CDKL5: variants seen among roughly 807,000 people sequenced by gnomAD.
CDKL5 encodes cyclin-dependent kinase-like 5.
Under a neutral mutation model 61.7 loss-of-function variants are expected in CDKL5, and 8 were observed. The ratio of observed to expected loss-of-function variants is 0.13; its 90% CI spans 0.08 to 0.23. The LOEUF (loss-of-function observed/expected upper bound fraction) is 0.23. Among genes scored for constraint, CDKL5 ranks in the 10% least tolerant of loss-of-function variants. The probability of loss-of-function intolerance (pLI) is 1.00; values close to 1 mark genes in which losing one functional copy is unlikely to be tolerated. For synonymous variants in CDKL5, 275 were observed against 272.3 expected, an observed-to-expected ratio of 1.01 and a Z score of -0.10; for missense variants, 440 against 734.5, an observed-to-expected ratio of 0.60 and a Z score of 4.63.
At chrX:18,535,046 G>T (rs142909002) in intron 3 of CDKL5, 140 of 112,097 alleles carry the variant, frequency 1.2e-3, no homozygotes, top group African/African-American at 4.3e-3. Context: ...TTTTTTAAGT[G>T]AACTAACAGC....
intron 3 of CDKL5, among the ~76,000 whole-genome samples, chrX:18,559,888 G>GT (rs1300490481): frequency 9.6e-6 from 1 of 104,520 alleles, no homozygotes; most frequent in Non-Finnish European, 1.9e-5. Context: ...GCGGTGTTTG[G>GT]TTTTTTGTTC....
Position 18,631,524 on chromosome X carries a change from T to G in CDKL5, c.*2767T>G. The G allele has an allele frequency of 1.3e-6, 1 of 754,548 alleles. No homozygotes were observed. The highest frequency in any genetic ancestry group is 1.6e-6 in the Non-Finnish European group (1 of 639,360). 62.2% of individuals were successfully genotyped at this position (754,548 alleles called of 1,213,427 possible). On this transcript the variant is annotated 3_prime_UTR_variant, in exon 18 of 18. Coordinates refer to ENST00000623535, the MANE Select transcript of CDKL5 (RefSeq NM_001323289.2). ...GAAAAATTACTGACATCACAAAGAT[T>G]GCCATCCATGGTAGAAAGGACTTGA...
intron 1 of CDKL5, among the ~76,000 whole-genome samples, chrX:18,432,011 C>T (rs768172149): frequency 2.7e-5 from 3 of 109,781 alleles, no homozygotes; most frequent in Non-Finnish European, 3.8e-5. Flanking sequence ...CAGGCTCGAG[C>T]GATCCTCCCA....
intron 1 of CDKL5, among the ~76,000 whole-genome samples, chrX:18,434,296 G>C (rs1324162543): frequency 1.8e-5 from 2 of 111,660 alleles, no homozygotes; most frequent in African/African-American, 6.5e-5. Context: ...AATTTTCTTT[G>C]CTTTTAGATG....
chrX:18,593,558 TC>T (rs1474074678), intron 9 of CDKL5, among the ~76,000 whole-genome samples: 1 of 111,498 alleles, frequency 9.0e-6, no homozygotes. Context: ...CCTCTGTACT[TC>T]CCTTAGGAGA....
rs776661064 is a variant in CDKL5, at chrX:18,474,218, T to G, written c.-162-32717T>G. On this transcript the variant is annotated intron_variant, in intron 1 of 17. Coordinates refer to ENST00000623535, the MANE Select transcript of CDKL5 (RefSeq NM_001323289.2). ...ATTTCTGCAAATTAAAGTGTTCGTTTTTGTTACCTTGATAGCATTAGTCTA... is the reference window on the plus strand; with the variant it reads ...ATTTCTGCAAATTAAAGTGTTCGTTGTTGTTACCTTGATAGCATTAGTCTA... Among the ~76,000 whole-genome samples, 4 of 111,536 alleles carry G rather than the reference T, an allele frequency of 3.6e-5. No homozygotes were observed. In the East Asian group the frequency reaches 1.1e-3, roughly 32 times the overall value.
chrX:18,479,453 G>A (rs1196939795), intron 1 of CDKL5, among the ~76,000 whole-genome samples: 7 of 106,027 alleles, frequency 6.6e-5, no homozygotes, highest in Non-Finnish European at 1.4e-4. Context: ...CCTAGTAGTT[G>A]GGACTACAGG....
intron 16 of CDKL5, among the ~76,000 whole-genome samples, 198 bp downstream of exon 16, chrX:18,620,164 C>T (rs772538650): frequency 5.4e-5 from 6 of 112,092 alleles, no homozygotes; most frequent in African/African-American, 1.6e-4. Flanking sequence ...ACAGAATCTC[C>T]AGGAATAGAA....
chrX:18,589,205 A>G (rs1478803233), intron 9 of CDKL5: 1 of 109,955 alleles, frequency 9.1e-6, no homozygotes, highest in Non-Finnish European at 1.9e-5. Flanking sequence ...AGTTTGTTAC[A>G]TATGTATACA....
chrX:18,436,674 C>A (rs1602188442), intron 1 of CDKL5, among the ~76,000 whole-genome samples: 2 of 109,658 alleles, frequency 1.8e-5, no homozygotes, highest in Non-Finnish European at 3.8e-5. Context: ...CTGAGGCAGG[C>A]AGATCACTTG....
chrX:18,563,032 G>A (rs746164004), intron 3 of CDKL5, among the ~76,000 whole-genome samples: 14 of 111,947 alleles, frequency 1.3e-4, no homozygotes, highest in Non-Finnish European at 2.3e-4. Flanking sequence ...AAGTTTTAAC[G>A]CTTAGGATGC....
chrX:18,646,164 C>A (rs1334013349), intron 20 of CDKL5: 1 of 1,190,200 alleles, frequency 8.4e-7, no homozygotes, highest in East Asian at 3.0e-5. Context: ...TTTTTTTTTC[C>A]TTTCTGAGAC....
At chrX:18,538,786 G>A (rs1453962669) in intron 3 of CDKL5, among the ~76,000 whole-genome samples, 1 of 112,140 alleles carries the variant, frequency 8.9e-6, no homozygotes, top group Non-Finnish European at 1.9e-5. Flanking sequence ...GTTTCTAGAT[G>A]AGACTGTATA....
intron 14 of CDKL5, 103 bp downstream of exon 14, chrX:18,609,673 C>T: frequency 8.8e-7 from 1 of 1,136,011 alleles, no homozygotes; most frequent in East Asian, 3.2e-5. Context: ...CTCACCTACA[C>T]TGTCGCCTTC....
At chrX:18,557,540 GTATTT>G (rs1285606853) in intron 3 of CDKL5, among the ~76,000 whole-genome samples, 1 of 111,553 alleles carries the variant, frequency 9.0e-6, no homozygotes, top group Non-Finnish European at 1.9e-5. Flanking sequence ...GAATAAAAGA[GTATTT>G]TATTCTGTTC....
At chrX:18,479,833 A>T (rs965911354) in intron 1 of CDKL5, among the ~76,000 whole-genome samples, 9 of 111,404 alleles carry the variant, frequency 8.1e-5, no homozygotes, top group African/African-American at 2.6e-4. Flanking sequence ...AATCTCTATC[A>T]ATCAGTCTTC....
intron 3 of CDKL5, among the ~76,000 whole-genome samples, chrX:18,540,280 G>A (rs746797206): frequency 9.1e-4 from 101 of 110,786 alleles, no homozygotes; most frequent in African/African-American, 3.1e-3. Flanking sequence ...GGGCTCAAGC[G>A]ATTCTCCTAC....
At chrX:18,569,999 T>C (rs1602266499) in intron 4 of CDKL5, among the ~76,000 whole-genome samples, 1 of 112,072 alleles carries the variant, frequency 8.9e-6, no homozygotes, top group South Asian at 3.7e-4. Flanking sequence ...TTCTTAATTA[T>C]TAGAAAACAT....
At chrX:18,431,945 G>A (rs1247653863) in intron 1 of CDKL5, among the ~76,000 whole-genome samples, 1 of 108,365 alleles carries the variant, frequency 9.2e-6, no homozygotes, top group Non-Finnish European at 1.9e-5. Context: ...GTCTCACTCT[G>A]TTGCCTAGGC....
Sources: gnomAD v4.1 joint callset for allele counts (sites outside exome capture counted in the v4.1 genomes callset) on GRCh38, gnomAD v4.1.1 for gene constraint, MANE v1.5 for transcripts, NCBI Gene and HGNC (gene_info 2026-07-23, HGNC 2026-07-21) for gene names.